CCSER1: variants seen among roughly 807,000 people sequenced by gnomAD.
CCSER1 encodes the protein serine-rich coiled-coil domain-containing protein 1.
A neutral mutation model predicts 82.0 loss-of-function variants in CCSER1; 41 were observed. That is an observed-to-expected ratio of 0.50 (90% confidence interval 0.39 to 0.65). CCSER1 has a LOEUF of 0.65. CCSER1 is among the 30% of genes least tolerant of loss of function. The pLI, the probability that CCSER1 is intolerant of heterozygous loss-of-function variation, is 0.00. For synonymous variants in CCSER1, 414 were observed against 383.9 expected (o/e 1.08, Z -0.92); for missense variants, 1,119 against 1,064.2 (o/e 1.05, Z -0.72).
At chr4:91,013,878 C>T (rs1467289043) in intron 9 of CCSER1, among the ~76,000 whole-genome samples, 1 of 130,780 alleles carries the variant, frequency 7.6e-6, no homozygotes, top group Non-Finnish European at 1.8e-5. Flanking sequence ...CTCTTAGCCT[C>T]CCAAAGTGCT....
intron 1 of CCSER1, among the ~76,000 whole-genome samples, chr4:90,286,401 A>G (rs1729897401): frequency 6.6e-6 from 1 of 152,058 alleles, no homozygotes; most frequent in African/African-American, 2.4e-5. Context: ...ATAAGGTGAC[A>G]ATTTCAATAA....
At chr4:91,422,114 T>A (rs1209480918) in intron 10 of CCSER1, among the ~76,000 whole-genome samples, 2 of 152,106 alleles carry the variant, frequency 1.3e-5, no homozygotes, top group Non-Finnish European at 2.9e-5. Flanking sequence ...ACACCTTGAT[T>A]TTAGCTTAGT....
chr4:90,844,310 A>G (rs552537778), intron 8 of CCSER1, among the ~76,000 whole-genome samples: 2 of 152,286 alleles, frequency 1.3e-5, no homozygotes, highest in South Asian at 4.1e-4. Context: ...TTTACTGTGC[A>G]TGTTAAAAAA....
At chr4:90,623,299 G>T (rs997704179) in intron 5 of CCSER1, among the ~76,000 whole-genome samples, 1 of 152,050 alleles carries the variant, frequency 6.6e-6, no homozygotes, top group Non-Finnish European at 1.5e-5. Context: ...CTCCCAAAGT[G>T]CTGGGATTAC....
At chr4:90,162,701 C>T (rs1239720308) in intron 1 of CCSER1, among the ~76,000 whole-genome samples, 1 of 152,074 alleles carries the variant, frequency 6.6e-6, no homozygotes, top group African/African-American at 2.4e-5. Context: ...AATTCAGAAG[C>T]TGCAGGGTGC....
intron 8 of CCSER1, among the ~76,000 whole-genome samples, chr4:90,858,308 A>C (rs938457995): frequency 3.3e-5 from 5 of 152,054 alleles, no homozygotes; most frequent in Admixed American, 2.0e-4. Context: ...CCTCAGTAAA[A>C]TTTCATCACA....
intron 6 of CCSER1, among the ~76,000 whole-genome samples, chr4:90,684,057 T>C (rs1734369574): frequency 6.6e-6 from 1 of 152,186 alleles, no homozygotes; most frequent in Non-Finnish European, 1.5e-5. Context: ...GATTGAGTTG[T>C]GTTTTGAATT....
At chr4:90,821,440 C>T (rs1580642851) in intron 8 of CCSER1, among the ~76,000 whole-genome samples, 1 of 151,936 alleles carries the variant, frequency 6.6e-6, no homozygotes, top group East Asian at 1.9e-4. Flanking sequence ...AAAAGGAGGA[C>T]TTTTTTGATA....
chr4:91,054,721 G>C (rs1170984806), intron 9 of CCSER1, among the ~76,000 whole-genome samples: 2 of 151,892 alleles, frequency 1.3e-5, no homozygotes, highest in East Asian at 1.9e-4. Flanking sequence ...TGGGGCGGTG[G>C]GGTTGGTGGG....
intron 9 of CCSER1, among the ~76,000 whole-genome samples, chr4:91,006,591 A>G (rs981040364): frequency 2.0e-5 from 3 of 150,390 alleles, no homozygotes; most frequent in Non-Finnish European, 4.4e-5. Context: ...CCAGGTTCAC[A>G]CCATTCTCCT....
At chr4:90,933,139 G>C (rs1730421919) in intron 9 of CCSER1, among the ~76,000 whole-genome samples, 1 of 55,614 alleles carries the variant, frequency 1.8e-5, no homozygotes, top group Non-Finnish European at 3.9e-5. Context: ...AGAAGTGTGT[G>C]TGTGTGTGTG....
chr4:91,538,556 T>TA (rs1761414559), intron 10 of CCSER1, among the ~76,000 whole-genome samples: 1 of 151,366 alleles, frequency 6.6e-6, no homozygotes, highest in South Asian at 2.1e-4. Flanking sequence ...ACCACAGACA[T>TA]AGAGAGGTAC....
chr4:91,162,416 C>G (rs755787216), intron 10 of CCSER1, among the ~76,000 whole-genome samples: 2 of 152,140 alleles, frequency 1.3e-5, no homozygotes, highest in African/African-American at 2.4e-5. Context: ...CTCTGTCAGG[C>G]TTTGGTATCA....
intron 5 of CCSER1, among the ~76,000 whole-genome samples, chr4:90,534,903 G>T (rs1269255873): frequency 2.0e-5 from 3 of 152,090 alleles, no homozygotes; most frequent in Non-Finnish European, 4.4e-5. Context: ...GTGGTCAATG[G>T]ACCAGCAGCA....
At chr4:91,446,146 C>A (rs570254806) in intron 10 of CCSER1, among the ~76,000 whole-genome samples, 86 of 151,812 alleles carry the variant, frequency 5.7e-4, no homozygotes, top group Non-Finnish European at 6.8e-4. Flanking sequence ...GAAGGTCGTG[C>A]CTTCATTGTT....
chr4:91,444,498 G>A (rs1162312944), intron 10 of CCSER1, among the ~76,000 whole-genome samples: 3 of 151,216 alleles, frequency 2.0e-5, no homozygotes, highest in Admixed American at 1.3e-4. Context: ...CACCCAGGCT[G>A]GAGTGCAATG....
intron 7 of CCSER1, among the ~76,000 whole-genome samples, chr4:90,741,478 A>T (rs1369375502): frequency 1.3e-5 from 2 of 152,162 alleles, no homozygotes; most frequent in Non-Finnish European, 2.9e-5. Flanking sequence ...GTGCACACCA[A>T]TATTAAGGTT....
chr4:90,821,546 C>A (rs1759722105), intron 8 of CCSER1, among the ~76,000 whole-genome samples: 1 of 151,890 alleles, frequency 6.6e-6, no homozygotes, highest in Admixed American at 6.6e-5. Flanking sequence ...CACTCTTATC[C>A]AACAGAAAGA....
intron 10 of CCSER1, among the ~76,000 whole-genome samples, chr4:91,103,594 A>C (rs1725298525): frequency 6.6e-6 from 1 of 152,148 alleles, no homozygotes. Context: ...AAATCATGAT[A>C]ATTTCATGGA....
Sources: allele counts gnomAD v4.1 joint callset (sites outside exome capture counted in the v4.1 genomes callset), GRCh38; gene constraint gnomAD v4.1.1; transcripts MANE v1.5; gene names NCBI Gene and HGNC (gene_info 2026-07-23, HGNC 2026-07-21).